The following CUX1 variants were observed in gnomAD, a reference collection of about 807,000 sequenced individuals.
CUX1 encodes the protein cut like homeobox 1.
In CUX1, 31 loss-of-function variants were observed where a neutral mutation model predicts 158.8. That is an observed-to-expected ratio of 0.20 (90% CI 0.15 to 0.26). CUX1 has a LOEUF of 0.26. Ranked by LOEUF, CUX1 falls within the 10% of genes least tolerant of loss-of-function variation. The pLI is 1.00. For synonymous variants in CUX1, 879 were observed against 862.1 expected, an observed-to-expected ratio of 1.02 and a Z score of -0.34; for missense variants, 1,589 against 2,014.6, an observed-to-expected ratio of 0.79 and a Z score of 4.04.
In CUX1 at chr7:101,846,323, C is replaced by CT. The variant is rs34213913; in HGVS notation, c.30+28667dup. 4.3e-3 allele frequency among the ~76,000 whole-genome samples: 621 copies of CT among 145,402 alleles called. 4 individuals are homozygous for CT. The highest frequency in any genetic ancestry group is 0.018 in the East Asian group (89 of 4,966). The stretch of plus-strand genomic sequence containing the variant: ...TCCAAGCCGCTTTTAAATGCAACTC[C>CT]TTTTTTTTTTTTTGAGATAGGCTGT... On this transcript the variant is annotated intron_variant, in intron 1 of 23. Transcript: ENST00000292535.
chr7:101,909,367 T>A (rs887253611), intron 1 of CUX1, among the ~76,000 whole-genome samples: 7 of 152,340 alleles, frequency 4.6e-5, no homozygotes, highest in Non-Finnish European at 8.8e-5. Flanking sequence ...CACCACTGTT[T>A]GAAGCGTCTT....
Position 102,126,613 on chromosome 7 carries a change from G to A in CUX1, c.674+11340G>A, listed in dbSNP as rs556082948. On this transcript the variant is annotated intron_variant, in intron 8 of 23. Coordinates refer to ENST00000292535, the MANE Select transcript of CUX1 (RefSeq NM_181552.4). ...AACCTAAATGTCATAGCTTAGCCTC[G>A]CCTATTTTAAGCGTGCTCAGAACAC... Among the ~76,000 whole-genome samples, 5 of 152,022 alleles carry A rather than the reference G, an allele frequency of 3.3e-5. No individual in the cohort carries two copies. The South Asian group carries it at 8.3e-4, about 25-fold the overall frequency.
intron 2 of CUX1, among the ~76,000 whole-genome samples, chr7:101,958,289 T>TG (rs1166673042): frequency 6.6e-6 from 1 of 151,986 alleles, no homozygotes; most frequent in Non-Finnish European, 1.5e-5. Flanking sequence ...TGCTGAACCC[T>TG]GGGGCTCAGG....
intron 8 of CUX1, among the ~76,000 whole-genome samples, chr7:102,143,760 C>A (rs782021695): frequency 6.6e-6 from 1 of 152,128 alleles, no homozygotes; most frequent in African/African-American, 2.4e-5. Context: ...CCGCACAGGA[C>A]GGCCACTTCT....
chr7:102,106,111 G>GCC (rs1830327032), intron 6 of CUX1, among the ~76,000 whole-genome samples: 1 of 97,750 alleles, frequency 1.0e-5, no homozygotes, highest in Non-Finnish European at 1.9e-5. Context: ...TTTTTGAGAT[G>GCC]GAGTCTCACT....
chr7:102,033,936 G>A (rs527930966), intron 3 of CUX1, among the ~76,000 whole-genome samples: 1 of 151,844 alleles, frequency 6.6e-6, no homozygotes, highest in East Asian at 1.9e-4. Flanking sequence ...ACTCGAGGTT[G>A]GGAGATCGAG....
At chr7:101,890,865 T>G (rs1285838653) in intron 1 of CUX1, among the ~76,000 whole-genome samples, 1 of 152,210 alleles carries the variant, frequency 6.6e-6, no homozygotes, top group Non-Finnish European at 1.5e-5. Context: ...ATGAGACCTT[T>G]TTTATTTCTG....
intron 8 of CUX1, among the ~76,000 whole-genome samples, chr7:102,141,049 A>G (rs1234771105): frequency 6.6e-6 from 1 of 152,124 alleles, no homozygotes; most frequent in South Asian, 2.1e-4. Context: ...GCCAAATCCA[A>G]TGATGTCAGA....
At chr7:101,973,725 T>G (rs1190441239) in intron 2 of CUX1, among the ~76,000 whole-genome samples, 2 of 151,988 alleles carry the variant, frequency 1.3e-5, no homozygotes, top group East Asian at 1.9e-4. Flanking sequence ...ACAGGCACTT[T>G]CTATACTGTC....
At chr7:101,935,585 T>C (rs1337521427) in intron 2 of CUX1, among the ~76,000 whole-genome samples, 1 of 152,216 alleles carries the variant, frequency 6.6e-6, no homozygotes, top group East Asian at 1.9e-4. Flanking sequence ...TGGCATGGTA[T>C]CCACCATTTT....
chr7:101,977,686 G>A (rs973551772), intron 2 of CUX1, among the ~76,000 whole-genome samples: 3 of 152,010 alleles, frequency 2.0e-5, no homozygotes, highest in Non-Finnish European at 2.9e-5. Flanking sequence ...TGAGAGAATC[G>A]CTTGAACCCA....
chr7:102,278,148 G>A, intron 18 of CUX1: 1 of 1,014,018 alleles, frequency 9.9e-7, no homozygotes, highest in Non-Finnish European at 1.5e-6. Flanking sequence ...GGGAGGGTCG[G>A]GGACCAAGAC....
At chr7:101,939,121 T>G (rs1807383721) in intron 2 of CUX1, among the ~76,000 whole-genome samples, 3 of 118,816 alleles carry the variant, frequency 2.5e-5, no homozygotes, top group African/African-American at 9.6e-5. Flanking sequence ...ATATGATGGT[T>G]CCACTGTCCC....
chr7:102,185,026 C>T (rs960211536), intron 11 of CUX1, among the ~76,000 whole-genome samples: 14 of 152,134 alleles, frequency 9.2e-5, no homozygotes, highest in South Asian at 4.1e-4. Flanking sequence ...CCCTTGACAG[C>T]GGGAGCCACT....
chr7:102,170,657 G>A (rs1020022731), intron 10 of CUX1, 107 bp downstream of exon 10: 18 of 725,740 alleles, frequency 2.5e-5, no homozygotes, highest in South Asian at 1.9e-4. Context: ...TGGGAATCAC[G>A]TTTTAACTAG....
chr7:101,994,904 A>C (rs1815640343), intron 2 of CUX1, among the ~76,000 whole-genome samples: 2 of 149,080 alleles, frequency 1.3e-5, no homozygotes, highest in Admixed American at 6.7e-5. Context: ...AGCCTGGGCA[A>C]CATAGCAAGA....
Position 102,252,278 on chromosome 7 carries a change from T to G in CUX1, c.*3236T>G, listed in dbSNP as rs1374596428. ...GGCCCCTCAGTTGGAGTCTAAGGGT[T>G]AATCTCTCATCTTGCTAAGCAGTAT... On this transcript the variant is annotated 3_prime_UTR_variant, in exon 24 of 24. Transcript: ENST00000292535. The G allele has an allele frequency of 1.0e-6, 1 of 985,430 alleles. No homozygotes were observed. The highest frequency in any genetic ancestry group is 1.1e-4 in the East Asian group (1 of 8,814). The allele number at this position is 985,430 out of a possible 1,614,324, so 61.0% of individuals were successfully genotyped here. A position where few individuals can be genotyped will look rare whatever the true frequency, so the allele number is the denominator to read the frequency against.
Position 102,205,554 on chromosome 7 carries a change from C to T in CUX1, c.3130+384C>T, listed in dbSNP as rs193080629. 3.3e-5 allele frequency among the ~76,000 whole-genome samples: 5 copies of T among 152,252 alleles called. No individual in the cohort carries two copies. In the East Asian group the frequency reaches 5.8e-4, roughly 18 times the overall value. On this transcript the variant is annotated intron_variant, in intron 20 of 23. Transcript: ENST00000292535. ...CATGTCGGGGGACTTCTTATCTAAC[C>T]GGAAGACATCCAGGCAGCCTCTGAG...
At chr7:102,180,016 CGTTGTT>C (rs199850961) in intron 11 of CUX1, among the ~76,000 whole-genome samples, 4 of 151,988 alleles carry the variant, frequency 2.6e-5, no homozygotes, top group African/African-American at 9.7e-5. Flanking sequence ...TGTGTTTTGT[CGTTGTT>C]GTTGTTGTTG....
Sources: allele counts gnomAD v4.1 joint callset (sites outside exome capture counted in the v4.1 genomes callset), GRCh38; gene constraint gnomAD v4.1.1; transcripts MANE v1.5; gene names NCBI Gene and HGNC (gene_info 2026-07-23, HGNC 2026-07-21).